GPC6: variants seen among roughly 807,000 people sequenced by gnomAD.
GPC6 encodes glypican-6.
In GPC6, 14 loss-of-function variants were observed where a neutral mutation model predicts 55.2. The observed-to-expected ratio is 0.25, with a 90% CI of 0.17 to 0.40. The LOEUF (loss-of-function observed/expected upper bound fraction) is 0.40. GPC6 is among the 10% of genes least tolerant of loss of function. The pLI is 1.00. For missense variants in GPC6, 641 were observed against 708.5 expected, an observed-to-expected ratio of 0.90 and a Z score of 1.08; for synonymous variants, 278 against 259.6, an observed-to-expected ratio of 1.07 and a Z score of -0.68.
At chr13:93,823,065 G>A (rs914197463) in intron 2 of GPC6, among the ~76,000 whole-genome samples, 40 of 151,608 alleles carry the variant, frequency 2.6e-4, no homozygotes, top group African/African-American at 8.2e-4. Context: ...GGGTTTCACC[G>A]TGTTAGCCAG....
intron 1 of GPC6, among the ~76,000 whole-genome samples, chr13:93,440,045 C>A (rs1877729713): frequency 6.6e-6 from 1 of 152,146 alleles, no homozygotes; most frequent in South Asian, 2.1e-4. Flanking sequence ...ATCATTATTA[C>A]AGTATAGTAG....
chr13:94,022,907 G>A (rs767149173), intron 3 of GPC6, among the ~76,000 whole-genome samples: 8 of 152,134 alleles, frequency 5.3e-5, no homozygotes, highest in Admixed American at 2.6e-4. Context: ...AAAAGATTAT[G>A]AATAGCATGT....
chr13:93,942,573 C>T (rs757392762), intron 3 of GPC6, among the ~76,000 whole-genome samples: 7 of 152,176 alleles, frequency 4.6e-5, no homozygotes, highest in Non-Finnish European at 8.8e-5. Context: ...CCACCCACCT[C>T]GGCCTCCCAA....
intron 1 of GPC6, among the ~76,000 whole-genome samples, chr13:93,360,035 A>G (rs1334520157): frequency 6.6e-6 from 1 of 152,186 alleles, no homozygotes; most frequent in Non-Finnish European, 1.5e-5. Context: ...AGTTTTTTCA[A>G]AGGGGAAACT....
intron 2 of GPC6, among the ~76,000 whole-genome samples, chr13:93,787,477 T>C (rs192990329): frequency 1.3e-5 from 2 of 152,350 alleles, no homozygotes; most frequent in East Asian, 3.9e-4. Context: ...TCCCCTGTTC[T>C]ATAGGATTCT....
At chr13:93,459,699 G>A (rs1013921188) in intron 1 of GPC6, among the ~76,000 whole-genome samples, 8 of 152,186 alleles carry the variant, frequency 5.3e-5, no homozygotes, top group African/African-American at 1.9e-4. Flanking sequence ...GAGATTTTGT[G>A]TGCTCTCGAT....
chr13:93,674,580 T>C (rs1199341015), intron 2 of GPC6, among the ~76,000 whole-genome samples: 1 of 152,198 alleles, frequency 6.6e-6, no homozygotes, highest in Non-Finnish European at 1.5e-5. Context: ...AACACAGGCA[T>C]GTATCACTTT....
intron 3 of GPC6, among the ~76,000 whole-genome samples, chr13:93,932,422 C>T (rs963569705): frequency 2.6e-5 from 4 of 152,088 alleles, no homozygotes; most frequent in South Asian, 2.1e-4. Flanking sequence ...ATCCTCTCCT[C>T]GGGTGTCACT....
At chr13:93,523,903 G>A (rs1345005707) in intron 1 of GPC6, among the ~76,000 whole-genome samples, 1 of 151,968 alleles carries the variant, frequency 6.6e-6, no homozygotes, top group Non-Finnish European at 1.5e-5. Flanking sequence ...GGAGGAGAGT[G>A]TGGATGCAGA....
At chr13:93,697,050 C>T (rs1882485453) in intron 2 of GPC6, among the ~76,000 whole-genome samples, 1 of 152,136 alleles carries the variant, frequency 6.6e-6, no homozygotes, top group Non-Finnish European at 1.5e-5. Context: ...CTTCCTCTCC[C>T]AGTCCCCAAT....
At chr13:93,673,438 G>A (rs1368809812) in intron 2 of GPC6, among the ~76,000 whole-genome samples, 1 of 152,098 alleles carries the variant, frequency 6.6e-6, no homozygotes, top group Non-Finnish European at 1.5e-5. Flanking sequence ...GCTGGAGACT[G>A]GAAGGTCAAA....
intron 6 of GPC6, among the ~76,000 whole-genome samples, chr13:94,336,351 T>A (rs1877699068): frequency 6.6e-6 from 1 of 152,198 alleles, no homozygotes; most frequent in Admixed American, 6.5e-5. Flanking sequence ...TTTGATTCTG[T>A]CAAACACTGA....
intron 1 of GPC6, among the ~76,000 whole-genome samples, chr13:93,259,294 C>CT (rs1594057119): frequency 6.6e-6 from 1 of 152,100 alleles, no homozygotes; most frequent in Non-Finnish European, 1.5e-5. Flanking sequence ...CTCTATGGAA[C>CT]TTTAGGGACT....
intron 1 of GPC6, among the ~76,000 whole-genome samples, chr13:93,428,681 T>A (rs537272715): frequency 6.6e-6 from 1 of 152,240 alleles, no homozygotes; most frequent in African/African-American, 2.4e-5. Context: ...CATAGGGATA[T>A]TAGATCATCT....
At chr13:93,996,635 A>G (rs1881569461) in intron 3 of GPC6, among the ~76,000 whole-genome samples, 1 of 152,182 alleles carries the variant, frequency 6.6e-6, no homozygotes, top group Non-Finnish European at 1.5e-5. Context: ...TCCAGGTCAC[A>G]GTAGGAAGCC....
intron 1 of GPC6, among the ~76,000 whole-genome samples, chr13:93,234,368 C>G (rs1876163267): frequency 6.6e-6 from 1 of 152,148 alleles, no homozygotes. Flanking sequence ...CCCATCAGTC[C>G]TGACATCCCT....
At chr13:94,216,156 C>T (rs945032353) in intron 4 of GPC6, among the ~76,000 whole-genome samples, 3 of 152,180 alleles carry the variant, frequency 2.0e-5, no homozygotes, top group Non-Finnish European at 4.4e-5. Flanking sequence ...ATTCATTTCT[C>T]TCTAAGCAAG....
At chr13:93,385,657 T>G (rs1219125351) in intron 1 of GPC6, among the ~76,000 whole-genome samples, 1 of 152,130 alleles carries the variant, frequency 6.6e-6, no homozygotes, top group Non-Finnish European at 1.5e-5. Context: ...CAGTTTATAT[T>G]CCCTACTGTG....
intron 1 of GPC6, among the ~76,000 whole-genome samples, chr13:93,344,111 G>A (rs1427613185): frequency 6.6e-6 from 1 of 152,158 alleles, no homozygotes; most frequent in Admixed American, 6.5e-5. Flanking sequence ...AGGGAAAAAT[G>A]TGGAAATAAC....
Sources: allele counts gnomAD v4.1 joint callset (sites outside exome capture counted in the v4.1 genomes callset), GRCh38; gene constraint gnomAD v4.1.1; transcripts MANE v1.5; gene names NCBI Gene and HGNC (gene_info 2026-07-23, HGNC 2026-07-21).